NOS3: variants seen among roughly 807,000 people sequenced by gnomAD.
NOS3 encodes nitric oxide synthase 3, also known as NOS type III.
In NOS3, 98 loss-of-function variants were observed where a neutral mutation model predicts 144.9. That is an observed-to-expected ratio of 0.68 (90% CI 0.57 to 0.80). The LOEUF is 0.80. Ranked by LOEUF, NOS3 falls within the 30% of genes least tolerant of loss-of-function variation. NOS3 has a pLI of 0.00. For missense variants in NOS3, 1,465 were observed against 1,656.4 expected, an observed-to-expected ratio of 0.88 and a Z score of 2.01; for synonymous variants, 714 against 702.4, an observed-to-expected ratio of 1.02 and a Z score of -0.26.
chr7:150,996,659 G>A, intron 4 of NOS3, 104 bp from the exon 5 acceptor site: 1 of 1,482,764 alleles, frequency 6.7e-7, no homozygotes, highest in Non-Finnish European at 9.2e-7. Flanking sequence ...AACACCACGT[G>A]GGCCCCTCCC....
rs1386304113 is a variant in NOS3, at chr7:151,009,003, G to C, written c.2186G>C (p.Ser729Thr). 2 of 1,611,932 alleles carry C rather than the reference G, an allele frequency of 1.2e-6. No individual in the cohort carries two copies. The highest frequency in any genetic ancestry group is 1.7e-5 in the Admixed American group (1 of 59,794). ...AARDIFSPKR[S>T]WKRQRYRLSA... The stretch of plus-strand genomic sequence containing the variant: ...CGAGACATCTTCAGCCCCAAACGGA[G>C]CTGGAAGCGCCAGAGGTACCGGCTG... Residue 729 changes from serine to threonine, a missense_variant, in exon 18 of 27, where the codon AGC (serine) becomes ACC (threonine). Around this residue, in one of 5 missense-constraint regions of NOS3, gnomAD observed 745 missense variants for 853.9 expected, o/e 0.87. Coordinates refer to ENST00000297494, the MANE Select transcript of NOS3 (RefSeq NM_000603.5).
At chr7:151,013,099 G>T in intron 24 of NOS3, 132 bp from the exon 25 acceptor site, 1 of 974,918 alleles carries the variant, frequency 1.0e-6, no homozygotes, top group Non-Finnish European at 1.5e-6. Flanking sequence ...TCTTAGAGAT[G>T]AAACAGCCAA....
chr7:151,013,289 T>A lies in NOS3; in HGVS notation c.3165T>A (p.His1055Gln). 6.2e-7 allele frequency: 1 copy of A among 1,614,000 alleles called. No individual in the cohort carries two copies. Among genetic ancestry groups the A allele is most frequent in the Non-Finnish European group, 8.5e-7 (1 of 1,179,996 alleles). ...GCTGCCGATGCTCCCAACTTGACCA[T>A]CTCTACCGCGACGAGGTGCAGAACG... ...VFGCRCSQLD[H>Q]LYRDEVQNAQ... Residue 1055 changes from histidine to glutamine, a missense_variant, in exon 25 of 27, where the codon CAT (histidine) becomes CAA (glutamine). By Grantham distance (24) the His-to-Gln change is conservative. Transcript: ENST00000297494.
At chr7:151,013,551 C>A in intron 25 of NOS3, 172 bp downstream of exon 25, 1 of 1,054,950 alleles carries the variant, frequency 9.5e-7, no homozygotes, top group Non-Finnish European at 1.3e-6. Context: ...GGCCCGCCTC[C>A]TCCCGCCCCT....
rs750247122 is a variant in NOS3, at chr7:150,998,649, G to A, written c.785G>A (p.Arg262Gln). The A allele has an allele frequency of 4.3e-5, 69 of 1,604,944 alleles. 1 individual carries two copies. Among genetic ancestry groups the A allele is most frequent in the African/African-American group, 1.3e-4 (10 of 74,842 alleles). ...TACCGGCAGCAGGATGGCTCTGTGC[G>A]GGGGGACCCAGCCAACGTGGAGATC... is the stretch of plus-strand genomic sequence containing the variant. ...AGYRQQDGSV[R>Q]GDPANVEITE... Residue 262 changes from arginine to glutamine, a missense_variant, in exon 7 of 27, where the codon CGG becomes CAG. Arg to Gln is a conservative substitution (Grantham distance 43). This residue lies in a region of NOS3 where 374 missense variants were observed against 377.0 expected (regional missense o/e 0.99). Transcript: ENST00000297494. The surrounding 1 kb of genome is among the most constrained non-coding windows in gnomAD (Gnocchi z 5.0).
chr7:151,011,783 CAA>C (rs1264765770), intron 23 of NOS3: 4 of 416,470 alleles, frequency 9.6e-6, no homozygotes, highest in Admixed American at 8.3e-5. Context: ...CTCCGCCTCC[CAA>C]AGTCTTGGGA....
intron 17 of NOS3, among the ~76,000 whole-genome samples, chr7:151,008,307 T>C (rs1244626413): frequency 1.3e-5 from 2 of 152,130 alleles, no homozygotes; most frequent in Non-Finnish European, 2.9e-5. Flanking sequence ...CTTGGTGATA[T>C]GAGGCTCAGC....
chr7:151,000,828 T>C (rs564531486), intron 10 of NOS3, among the ~76,000 whole-genome samples: 1 of 152,272 alleles, frequency 6.6e-6, no homozygotes, highest in East Asian at 1.9e-4. Context: ...GGGACCTTGC[T>C]GTTTACTGCA....
At chr7:150,997,547 T>C (rs1183730530) in intron 5 of NOS3, among the ~76,000 whole-genome samples, 2 of 152,144 alleles carry the variant, frequency 1.3e-5, no homozygotes, top group Non-Finnish European at 2.9e-5. Flanking sequence ...ACCACAGCAC[T>C]AAGAGAAGCA....
In NOS3 at chr7:150,996,504, T is replaced by C. The variant is rs767114986; in HGVS notation, c.371T>C (p.Leu124Pro). The change falls in exon 4 of 27, where the codon CTG (leucine) becomes CCG (proline). Residue 124 changes from leucine (L) to proline (P), a missense_variant. Coordinates refer to ENST00000297494, the MANE Select transcript of NOS3 (RefSeq NM_000603.5). ...GGCCCCCCGGCCCCTGAGCAGCTGCTGAGTCAGGCCCGGGACTTCATCAAC... is the reference window on the plus strand; with the variant it reads ...GGCCCCCCGGCCCCTGAGCAGCTGCCGAGTCAGGCCCGGGACTTCATCAAC... ...SPGPPAPEQL[L>P]SQARDFINQY... 25 of 1,606,142 alleles carry C rather than the reference T, an allele frequency of 1.6e-5. No homozygotes were observed. The highest frequency in any genetic ancestry group is 2.1e-5 in the Non-Finnish European group (25 of 1,178,022).
Position 150,993,954 on chromosome 7 carries a change from G to C in NOS3, c.151G>C (p.Glu51Gln). 1 of 1,564,514 alleles carries C rather than the reference G, an allele frequency of 6.4e-7. No homozygotes were observed. The highest frequency in any genetic ancestry group is 8.6e-7 in the Non-Finnish European group (1 of 1,157,418). The change falls in exon 2 of 27, where the codon GAA becomes CAA. Residue 51 changes from glutamate (E) to glutamine (Q), a missense_variant. Coordinates refer to ENST00000297494, the MANE Select transcript of NOS3 (RefSeq NM_000603.5). This position sits in a 1 kb window ranked among gnomAD's most constrained non-coding sequence, Gnocchi z 4.0. ...APASLLPPAPEHSPPSSPLTQ... is the reference protein window; with the variant it reads ...APASLLPPAPQHSPPSSPLTQ... Reference sequence around the variant, plus strand: ...AGCATCCCTACTCCCACCAGCGCCAGAACACAGGTAAGGGCCAGGCAGCTA... The same window carrying C: ...AGCATCCCTACTCCCACCAGCGCCACAACACAGGTAAGGGCCAGGCAGCTA...
chr7:151,006,401 C>A, intron 14 of NOS3, 26 bp from the exon 15 acceptor site: 3 of 1,595,976 alleles, frequency 1.9e-6, no homozygotes, highest in Non-Finnish European at 1.7e-6. Flanking sequence ...CAAAACTAAC[C>A]CTGATGCAAA....
intron 23 of NOS3, chr7:151,012,098 C>T (rs1371458233): frequency 4.5e-6 from 2 of 443,516 alleles, no homozygotes; most frequent in South Asian, 6.4e-5. Flanking sequence ...ACCCTTCCCA[C>T]GTTTTCTAAA....
chr7:151,010,499 G>T (rs962689836), intron 21 of NOS3, 98 bp from the exon 22 acceptor site: 4 of 1,276,242 alleles, frequency 3.1e-6, no homozygotes, highest in East Asian at 5.1e-5. Context: ...AACTGAGCAG[G>T]GAGAAACCCT....
chr7:151,001,429 C>T lies in NOS3; in HGVS notation c.1428+4C>T, dbSNP rs1326037277. 1.3e-6 allele frequency: 2 copies of T among 1,585,760 alleles called. No homozygotes were observed. Among genetic ancestry groups the T allele is most frequent in the Non-Finnish European group, 8.6e-7 (1 of 1,163,848 alleles). ...GTCCCCGGCCTTCCGCTACCAGGTG[C>T]CCACCCTAACTGGCTCTGCCAGCCT... On this transcript the variant is annotated splice_donor_region_variant and intron_variant, in intron 11 of 26. Coordinates refer to ENST00000297494, the MANE Select transcript of NOS3 (RefSeq NM_000603.5).
chr7:151,005,689 A>G (rs1037214892), intron 14 of NOS3, among the ~76,000 whole-genome samples: 4 of 152,206 alleles, frequency 2.6e-5, no homozygotes, highest in African/African-American at 9.6e-5. Flanking sequence ...CACACGTACA[A>G]GGGCGTTTGA....
chr7:151,005,585 C>G (rs979224600), intron 14 of NOS3, among the ~76,000 whole-genome samples: 1 of 152,206 alleles, frequency 6.6e-6, no homozygotes, highest in Admixed American at 6.5e-5. Context: ...TCCCCTGCAG[C>G]TGCGAGGACG....
intron 2 of NOS3, among the ~76,000 whole-genome samples, chr7:150,994,874 C>T (rs1468074679): frequency 6.6e-6 from 1 of 152,200 alleles, no homozygotes; most frequent in Non-Finnish European, 1.5e-5. Context: ...CAGGCTCTGT[C>T]CCCCTCAGGG....
At chr7:151,013,441 T>C in intron 25 of NOS3, 62 bp downstream of exon 25, 2 of 1,544,124 alleles carry the variant, frequency 1.3e-6, no homozygotes, top group Admixed American at 1.8e-5. Context: ...GGACTCGCGC[T>C]CTCCAGCGGG....
Sources: gnomAD v4.1 joint callset for allele counts (sites outside exome capture counted in the v4.1 genomes callset) on GRCh38, gnomAD v4.1.1 for gene constraint, gnomAD v4.1.1 regional missense constraint, Gnocchi (gnomAD v3.1) non-coding constraint, MANE v1.5 for transcripts, NCBI Gene and HGNC (gene_info 2026-07-23, HGNC 2026-07-21) for gene names.